Variants in P4HA1 observed in about 807,000 individuals in gnomAD.
P4HA1 encodes prolyl 4-hydroxylase subunit alpha-1.
Under a neutral mutation model 72.8 loss-of-function variants are expected in P4HA1, and 24 were observed. The ratio of observed to expected loss-of-function variants is 0.33; its 90% CI spans 0.24 to 0.46. The LOEUF (loss-of-function observed/expected upper bound fraction) is 0.46, where lower values mean the gene tolerates loss of function less well. Ranked by LOEUF, P4HA1 falls within the 20% of genes least tolerant of loss-of-function variation. The pLI is 1.00. For synonymous variants in P4HA1, 201 were observed against 218.8 expected (o/e 0.92, Z 0.72); for missense variants, 446 against 640.6 (o/e 0.70, Z 3.28).
intron 1 of P4HA1, among the ~76,000 whole-genome samples, chr10:73,094,855 A>G (rs1434724096): frequency 1.3e-5 from 2 of 152,200 alleles, no homozygotes; most frequent in African/African-American, 2.4e-5. Context: ...GGCATAATTA[A>G]AAGTTGTACA....
chr10:73,024,181 G>A (rs1473877308), intron 10 of P4HA1, among the ~76,000 whole-genome samples: 1 of 152,164 alleles, frequency 6.6e-6, no homozygotes, highest in Non-Finnish European at 1.5e-5. Context: ...CAAATCAACA[G>A]AATATACATT....
chr10:73,065,179 T>G (rs1841391021), intron 5 of P4HA1: 1 of 151,950 alleles, frequency 6.6e-6, no homozygotes, highest in Non-Finnish European at 1.5e-5. Flanking sequence ...CAAATTGAAT[T>G]TTGTACATAT....
At chr10:73,069,346 ACATT>A (rs1282726785) in intron 4 of P4HA1, among the ~76,000 whole-genome samples, 4 of 152,340 alleles carry the variant, frequency 2.6e-5, no homozygotes, top group African/African-American at 9.6e-5. Context: ...GTCTGAAATG[ACATT>A]CATTGACAAT....
At chr10:73,082,449 C>G (rs1222772009) in intron 1 of P4HA1, 1 of 152,088 alleles carries the variant, frequency 6.6e-6, no homozygotes, top group Admixed American at 6.5e-5. Flanking sequence ...ACAAATCATT[C>G]AAAAATTAAT....
At chr10:73,015,380 A>G (rs1221348322) in intron 11 of P4HA1, among the ~76,000 whole-genome samples, 1 of 152,218 alleles carries the variant, frequency 6.6e-6, no homozygotes, top group African/African-American at 2.4e-5. Context: ...TATCCGTAAC[A>G]TGGAATACAG....
chr10:73,087,687 G>C (rs1363857628), intron 1 of P4HA1, among the ~76,000 whole-genome samples: 3 of 151,696 alleles, frequency 2.0e-5, no homozygotes, highest in Non-Finnish European at 4.4e-5. Context: ...ATGGGGTCTT[G>C]CTATGTTGCC....
intron 5 of P4HA1, among the ~76,000 whole-genome samples, chr10:73,063,560 C>T (rs1359469024): frequency 1.3e-5 from 2 of 152,186 alleles, no homozygotes; most frequent in Admixed American, 1.3e-4. Flanking sequence ...TTTGACAATG[C>T]TATTATTTTT....
intron 12 of P4HA1, 109 bp downstream of exon 12, chr10:73,014,115 A>T (rs1839966305): frequency 6.7e-6 from 5 of 747,750 alleles, no homozygotes. Context: ...AGTTGTAAAA[A>T]TGTTAAACTA....
intron 6 of P4HA1, 103 bp from the exon 7 acceptor site, chr10:73,051,352 A>C: frequency 1.5e-6 from 1 of 660,356 alleles, no homozygotes; most frequent in South Asian, 2.2e-5. Flanking sequence ...TTATCTTCCA[A>C]ACCAGGTTGC....
intron 9 of P4HA1, among the ~76,000 whole-genome samples, chr10:73,034,611 G>T (rs1840523051): frequency 1.3e-5 from 2 of 149,286 alleles, no homozygotes; most frequent in Admixed American, 6.6e-5. Context: ...TTGGAGACAG[G>T]GTCTCAACTC....
At chr10:73,093,141 A>T (rs1053462108) in intron 1 of P4HA1, among the ~76,000 whole-genome samples, 1 of 151,244 alleles carries the variant, frequency 6.6e-6, no homozygotes, top group Non-Finnish European at 1.5e-5. Context: ...AAAAAAAGAG[A>T]GAGTAAGGCT....
At position 73,009,868 on chromosome 10, in the gene P4HA1, A is replaced by T; in HGVS notation, c.1473T>A (p.Ser491Arg). ...TAVFWYNLFA[S>R]GEGDYSTRHA... ...GCCGTGTACTATAATCTCCTTCTCC[A>T]CTGGCAAACAGATTATACCAGAAAA... The change falls in exon 14 of 15, where the codon AGT (serine) becomes AGA (arginine). Residue 491 changes from serine to arginine, a missense_variant. Ser to Arg is a moderately radical substitution (Grantham distance 110). Transcript: ENST00000394890. The T allele has an allele frequency of 6.2e-7, 1 of 1,610,814 alleles. No individual in the cohort carries two copies. The highest frequency in any genetic ancestry group is 8.5e-7 in the Non-Finnish European group (1 of 1,177,004).
chr10:73,064,403 A>G (rs1841375265), intron 5 of P4HA1, among the ~76,000 whole-genome samples: 1 of 152,102 alleles, frequency 6.6e-6, no homozygotes, highest in East Asian at 1.9e-4. Context: ...TTAGCTTGGG[A>G]GGTTGAGGCT....
intron 5 of P4HA1, among the ~76,000 whole-genome samples, chr10:73,055,880 GAACT>G (rs1289479538): frequency 7.2e-5 from 11 of 152,152 alleles, no homozygotes; most frequent in Non-Finnish European, 1.6e-4. Flanking sequence ...TACAGATGAG[GAACT>G]AAAATAGAGG....
At chr10:73,053,741 A>G (rs542102981) in intron 5 of P4HA1, 151 bp from the exon 6 acceptor site, 7 of 639,158 alleles carry the variant, frequency 1.1e-5, no homozygotes, top group East Asian at 1.1e-4. Flanking sequence ...TTTATAAACA[A>G]TGGAACAATC....
At chr10:73,090,917 T>C (rs562027069) in intron 1 of P4HA1, among the ~76,000 whole-genome samples, 3 of 151,158 alleles carry the variant, frequency 2.0e-5, no homozygotes, top group African/African-American at 7.3e-5. Context: ...AAAAAAGTAG[T>C]CGGGCGTGGT....
chr10:73,037,572 T>A (rs1229246312), intron 9 of P4HA1, among the ~76,000 whole-genome samples: 1 of 15,380 alleles, frequency 6.5e-5, no homozygotes, highest in Non-Finnish European at 1.1e-4. Context: ...TATATATATA[T>A]TTTTTTTTTT....
rs957247980 is a variant in P4HA1 at position 73,060,528 on chromosome 10, G to A, written c.464-6938C>T. On this transcript the variant is annotated intron_variant, in intron 5 of 14. Coordinates refer to ENST00000394890, the MANE Select transcript of P4HA1 (RefSeq NM_001017962.3). ...TTCCAGGCTGTAGTGCACCATGATC[G>A]CATCTGTGAATAGCCACTGCACTCC... is the stretch of plus-strand genomic sequence containing the variant. Among the ~76,000 whole-genome samples the A allele has an allele frequency of 4.6e-5, 7 of 152,080 alleles. No homozygotes were observed. The East Asian group carries it at 1.2e-3, about 25-fold the overall frequency.
intron 2 of P4HA1, chr10:73,074,117 C>T (rs1359182116): frequency 1.1e-5 from 3 of 275,646 alleles, no homozygotes; most frequent in Non-Finnish European, 2.0e-5. Context: ...CAAATCAACA[C>T]TACTTTCCAA....
Sources: gnomAD v4.1 joint callset for allele counts (sites outside exome capture counted in the v4.1 genomes callset) on GRCh38, gnomAD v4.1.1 for gene constraint, MANE v1.5 for transcripts, NCBI Gene and HGNC (gene_info 2026-07-23, HGNC 2026-07-21) for gene names.